Variants in RAB38 observed in about 807,000 individuals in gnomAD.
RAB38 encodes ras-related protein Rab-38.
In RAB38, 15 loss-of-function variants were observed where a neutral mutation model predicts 18.4. That is an observed-to-expected ratio of 0.82 (90% CI 0.55 to 1.26). The LOEUF (loss-of-function observed/expected upper bound fraction) is 1.26. Ranked by LOEUF, RAB38 falls within the 50% of genes most tolerant of loss-of-function variation. RAB38 has a pLI of 0.00. For missense variants in RAB38, 294 were observed against 267.4 expected, an observed-to-expected ratio of 1.10 and a Z score of -0.69; for synonymous variants, 101 against 104.4, an observed-to-expected ratio of 0.97 and a Z score of 0.20.
the RAB38 span, among the ~76,000 whole-genome samples, chr11:88,039,431 C>A: frequency 6.6e-6 from 1 of 151,924 alleles, no homozygotes; most frequent in Non-Finnish European, 1.5e-5. Context: ...TAACAGGTTC[C>A]TTAGGCCAAT....
chr11:88,095,408 A>G, the RAB38 span, among the ~76,000 whole-genome samples: 10 of 151,958 alleles, frequency 6.6e-5, no homozygotes, highest in East Asian at 1.4e-3. Flanking sequence ...CTCTCAGTCT[A>G]TCAGCAGCCT....
the RAB38 span, among the ~76,000 whole-genome samples, chr11:87,903,120 C>T: frequency 6.6e-6 from 1 of 151,132 alleles, no homozygotes; most frequent in Non-Finnish European, 1.5e-5. Flanking sequence ...GTTTAATGAA[C>T]GTGGTGAGAA....
At chr11:87,845,762 CAT>C in the RAB38 span, among the ~76,000 whole-genome samples, 1 of 151,962 alleles carries the variant, frequency 6.6e-6, no homozygotes, top group Non-Finnish European at 1.5e-5. Flanking sequence ...TCAATTCAAA[CAT>C]AAAAAAAGGT....
the RAB38 span, among the ~76,000 whole-genome samples, chr11:88,024,458 T>C: frequency 6.6e-6 from 1 of 152,320 alleles, no homozygotes; most frequent in South Asian, 2.1e-4. Context: ...GTACAACCAC[T>C]ATGAAGAACA....
chr11:88,164,084 T>C (rs966888623), intron 1 of RAB38, among the ~76,000 whole-genome samples: 1 of 152,112 alleles, frequency 6.6e-6, no homozygotes, highest in African/African-American at 2.4e-5. Context: ...ATGTATTACA[T>C]AAAAAACCTA....
the RAB38 span, among the ~76,000 whole-genome samples, chr11:87,850,039 C>T: frequency 6.6e-6 from 1 of 152,046 alleles, no homozygotes; most frequent in African/African-American, 2.4e-5. Flanking sequence ...CCTTATGGGG[C>T]ACTTCACTAT....
chr11:87,832,066 C>T, the RAB38 span, among the ~76,000 whole-genome samples: 5 of 152,178 alleles, frequency 3.3e-5, no homozygotes, highest in Non-Finnish European at 7.3e-5. Context: ...GGTTCCAACA[C>T]TTACTAATTG....
the RAB38 span, among the ~76,000 whole-genome samples, chr11:87,921,827 C>G: frequency 6.6e-6 from 1 of 151,440 alleles, no homozygotes; most frequent in Non-Finnish European, 1.5e-5. Context: ...TTTATTTCAA[C>G]AAAACTGTAA....
intron 1 of RAB38, among the ~76,000 whole-genome samples, chr11:88,174,627 A>C (rs1328495580): frequency 2.7e-5 from 4 of 146,790 alleles, no homozygotes; most frequent in Non-Finnish European, 4.5e-5. Flanking sequence ...AAGCAAAAAA[A>C]AAAAAAAAAA....
At chr11:88,040,459 T>A in the RAB38 span, among the ~76,000 whole-genome samples, 141 of 152,280 alleles carry the variant, frequency 9.3e-4, no homozygotes, top group African/African-American at 3.2e-3. Flanking sequence ...CTAACACCTG[T>A]AAACCCAGCA....
At chr11:87,849,203 G>A in the RAB38 span, among the ~76,000 whole-genome samples, 2 of 152,050 alleles carry the variant, frequency 1.3e-5, no homozygotes, top group South Asian at 4.1e-4. Flanking sequence ...TAGCAGTAAG[G>A]GCACAATACC....
At chr11:88,121,134 T>C (rs976446112) in intron 2 of RAB38, among the ~76,000 whole-genome samples, 2 of 152,194 alleles carry the variant, frequency 1.3e-5, no homozygotes, top group Non-Finnish European at 2.9e-5. Flanking sequence ...CATGAAACAT[T>C]ATCTTTAGTG....
At chr11:88,143,625 G>A (rs1942944738) in intron 2 of RAB38, among the ~76,000 whole-genome samples, 1 of 152,202 alleles carries the variant, frequency 6.6e-6, no homozygotes, top group Non-Finnish European at 1.5e-5. Flanking sequence ...GTCATCCTTT[G>A]AGCAGGTTAA....
At chr11:88,161,478 C>T (rs1943189269) in intron 1 of RAB38, among the ~76,000 whole-genome samples, 1 of 152,064 alleles carries the variant, frequency 6.6e-6, no homozygotes, top group African/African-American at 2.4e-5. Context: ...TTATGCTGTG[C>T]ATTCATGCTT....
the RAB38 span, among the ~76,000 whole-genome samples, chr11:87,839,918 C>T: frequency 2.0e-5 from 3 of 152,124 alleles, no homozygotes; most frequent in African/African-American, 7.2e-5. Context: ...GTAGGTTTCT[C>T]TCAGGTTGAT....
chr11:87,955,882 C>CAA, the RAB38 span, among the ~76,000 whole-genome samples: 2 of 114,354 alleles, frequency 1.7e-5, no homozygotes, highest in Non-Finnish European at 3.9e-5. Flanking sequence ...TGCACACACA[C>CAA]ACACACACAC....
the RAB38 span, among the ~76,000 whole-genome samples, chr11:87,806,895 G>T: frequency 1.3e-5 from 2 of 152,228 alleles, no homozygotes; most frequent in East Asian, 1.9e-4. Flanking sequence ...TTCCCTGATG[G>T]CTGGCTAGAT....
chr11:87,924,675 A>G, the RAB38 span, among the ~76,000 whole-genome samples: 48 of 152,008 alleles, frequency 3.2e-4, 1 homozygote, highest in Non-Finnish European at 6.2e-4. Context: ...GATAACTCTT[A>G]TAACAGATCT....
intron 1 of RAB38, among the ~76,000 whole-genome samples, chr11:88,152,453 G>C (rs898796959): frequency 3.3e-5 from 5 of 152,200 alleles, no homozygotes; most frequent in Non-Finnish European, 7.3e-5. Context: ...GTGTGTGTTT[G>C]AGTTTGTGAA....
Sources: allele counts gnomAD v4.1 joint callset (sites outside exome capture counted in the v4.1 genomes callset), GRCh38; gene constraint gnomAD v4.1.1; transcripts MANE v1.5; gene names NCBI Gene and HGNC (gene_info 2026-07-23, HGNC 2026-07-21).